The following FDXR variants were observed in gnomAD, a reference collection of about 807,000 sequenced individuals.
FDXR encodes the protein ferredoxin reductase.
In FDXR, 38 loss-of-function variants were observed where a neutral mutation model predicts 58.3. The ratio of observed to expected loss-of-function variants is 0.65; its 90% CI spans 0.50 to 0.85. FDXR has a LOEUF of 0.85. FDXR is among the 40% of genes least tolerant of loss of function. The pLI, the probability that FDXR is intolerant of heterozygous loss-of-function variation, is 0.00. For synonymous variants in FDXR, 275 were observed against 273.8 expected (o/e 1.00, Z -0.04); for missense variants, 624 against 671.0 (o/e 0.93, Z 0.77).
chr17:74,866,001 T>A, intron 5 of FDXR, 130 bp downstream of exon 5: 1 of 871,144 alleles, frequency 1.1e-6, no homozygotes, highest in Non-Finnish European at 1.8e-6. Flanking sequence ...CCTCCACAGC[T>A]GGCCTCCCGC....
chr17:74,867,260 T>A (rs1012118343), intron 2 of FDXR, among the ~76,000 whole-genome samples: 2 of 130,828 alleles, frequency 1.5e-5, no homozygotes, highest in South Asian at 4.9e-4. Flanking sequence ...TGAGCGAAGA[T>A]CGCGCCATTG....
At chr17:74,864,675 C>A in intron 7 of FDXR, 111 bp from the exon 8 acceptor site, 1 of 1,427,816 alleles carries the variant, frequency 7.0e-7, no homozygotes, top group African/African-American at 1.4e-5. Context: ...CGCCTCCTCC[C>A]CAAAGGCACA....
chr17:74,862,669 GGGA>G lies in FDXR; in HGVS notation c.*145_*147del, dbSNP rs1216119104. The G allele has an allele frequency of 3.5e-6, 4 of 1,132,972 alleles. No individual in the cohort carries two copies. Among genetic ancestry groups the G allele is most frequent in the East Asian group, 2.5e-5 (1 of 39,256 alleles). 70.2% of individuals were successfully genotyped at this position (1,132,972 alleles called of 1,614,324 possible). ...CGCGCAAGGGCGACCTTCCCCAGGA[GGGA>G]GGAGAGACGCTGGAAGAGCAGCCAA... is the stretch of plus-strand genomic sequence containing the variant. On this transcript the variant is annotated 3_prime_UTR_variant, in exon 12 of 12. Transcript: ENST00000293195.
In FDXR at chr17:74,872,128, A is replaced by G. The variant is rs1365480482; in HGVS notation, c.85T>C (p.Cys29Arg). 1 of 1,604,992 alleles carries G rather than the reference A, an allele frequency of 6.2e-7. No homozygotes were observed. The highest frequency in any genetic ancestry group is 1.1e-5 in the South Asian group (1 of 89,896). The change falls in exon 2 of 12, where the codon TGC (cysteine) becomes CGC (arginine). Residue 29 changes from cysteine (C) to arginine (R), a missense_variant. Transcript: ENST00000293195. ...TTCTCCTGTGTGGAGAAATGGTGGC[A>G]GAAGCCTGGGGCCAGGCAGAGGAGA... is the stretch of plus-strand genomic sequence containing the variant. Reference protein sequence around the residue: ...LPPAGSTPSFCHHFSTQEKTP... With the variant: ...LPPAGSTPSFRHHFSTQEKTP...
At position 74,872,950 on chromosome 17, in the gene FDXR, G is replaced by C. The variant is rs1294892040; in HGVS notation, c.-6C>G. ...CGCCAGCAGCGCGAAGCCATGGCTG[G>C]GAGCAGCAACCTGCAAGTGGATCTG... On this transcript the variant is annotated 5_prime_UTR_variant, in exon 1 of 12. Transcript: ENST00000293195. 1 of 1,554,146 alleles carries C rather than the reference G, an allele frequency of 6.4e-7. No individual in the cohort carries two copies. Among genetic ancestry groups the C allele is most frequent in the Non-Finnish European group, 8.7e-7 (1 of 1,149,336 alleles).
chr17:74,867,700 C>T (rs551949531), intron 2 of FDXR, among the ~76,000 whole-genome samples: 1 of 152,296 alleles, frequency 6.6e-6, no homozygotes, highest in East Asian at 1.9e-4. Flanking sequence ...TGACCGCCTT[C>T]CCAGGGCACC....
chr17:74,866,395 G>A, intron 4 of FDXR, 51 bp downstream of exon 4: 2 of 1,603,916 alleles, frequency 1.2e-6, no homozygotes, highest in Non-Finnish European at 1.7e-6. Flanking sequence ...CGAGCCACCG[G>A]CCTCCTTCTG....
intron 2 of FDXR, 23 bp from the exon 3 acceptor site, chr17:74,866,899 C>T (rs1193782633): frequency 5.6e-6 from 9 of 1,609,972 alleles, no homozygotes; most frequent in Non-Finnish European, 7.6e-6. Flanking sequence ...AGGGTGGCAG[C>T]TGGTGGGGCC....
At chr17:74,872,685 G>A (rs976442349) in intron 1 of FDXR, 181 bp downstream of exon 1, 27 of 1,343,152 alleles carry the variant, frequency 2.0e-5, no homozygotes, top group Non-Finnish European at 2.5e-5. Context: ...AACCCTAGAA[G>A]CCTCACATCT....
intron 2 of FDXR, among the ~76,000 whole-genome samples, chr17:74,867,961 G>A (rs2467576): frequency 0.83 from 125,953 of 152,012 alleles, 52,800 homozygotes; most frequent in African/African-American, 0.94. Flanking sequence ...CAGCTGACAC[G>A]CCCAGCCCCC....
intron 2 of FDXR, among the ~76,000 whole-genome samples, chr17:74,871,586 A>G (rs907184216): frequency 6.6e-6 from 1 of 152,210 alleles, no homozygotes; most frequent in Non-Finnish European, 1.5e-5. Context: ...CTGAAAGAAC[A>G]GAATGGCACG....
In FDXR at chr17:74,863,956, G is replaced by A; in HGVS notation, c.1114C>T (p.Pro372Ser). The A allele has an allele frequency of 1.2e-6, 2 of 1,614,062 alleles. No individual in the cohort carries two copies. Among genetic ancestry groups the A allele is most frequent in the Middle Eastern group, 1.6e-4 (1 of 6,062 alleles). ...YKSRPVDPSVPFDSKLGVIPN... is the reference protein window; with the variant it reads ...YKSRPVDPSVSFDSKLGVIPN... ...ATGACCCCAAGCTTGGAGTCAAAGG[G>A]CACGCTTGGGTCGACAGGGCGGCTC... The change falls in exon 10 of 12, where the codon CCC becomes TCC. Residue 372 changes from proline to serine, a missense_variant. By Grantham distance (74) the Pro-to-Ser change is moderately conservative. Coordinates refer to ENST00000293195, the MANE Select transcript of FDXR (RefSeq NM_024417.5).
At position 74,872,939 on chromosome 17, in the gene FDXR, A is replaced by G. The variant is rs1472487009; in HGVS notation, c.6T>C (p.Ala2=). Residue 2 remains alanine, a synonymous_variant, in exon 1 of 12, where the codon GCT becomes GCC. Coordinates refer to ENST00000293195, the MANE Select transcript of FDXR (RefSeq NM_024417.5). M[A]SRCWRWWGWS... The stretch of plus-strand genomic sequence containing the variant: ...AGCCCCACCAGCGCCAGCAGCGCGA[A>G]GCCATGGCTGGGAGCAGCAACCTGC... The G allele has an allele frequency of 2.6e-6, 4 of 1,555,796 alleles. No individual in the cohort carries two copies. The highest frequency in any genetic ancestry group is 3.5e-6 in the Non-Finnish European group (4 of 1,150,188).
Position 74,863,119 on chromosome 17 carries a change from G to A in FDXR, c.1302C>T (p.Pro434=), listed in dbSNP as rs774192661. 24 of 1,613,424 alleles carry A rather than the reference G, an allele frequency of 1.5e-5. No individual in the cohort carries two copies. The highest frequency in any genetic ancestry group is 1.9e-5 in the Non-Finnish European group (22 of 1,179,964). ...CCTGGATGGCTGCGTAGCCAGGCCT[G>A]GGGCCAGAGGGGAGCAACCCAGCCT... ...DLKAGLLPSG[P]RPGYAAIQAL... The change falls in exon 11 of 12, where the codon CCC becomes CCT. Residue 434 remains proline, a synonymous_variant. Coordinates refer to ENST00000293195, the MANE Select transcript of FDXR (RefSeq NM_024417.5).
intron 2 of FDXR, among the ~76,000 whole-genome samples, chr17:74,869,671 T>C (rs2038306707): frequency 6.6e-6 from 1 of 152,160 alleles, no homozygotes; most frequent in Non-Finnish European, 1.5e-5. Flanking sequence ...CCCCAGTCTC[T>C]GTGCTTATAG....
chr17:74,871,915 G>T lies in FDXR; in HGVS notation c.177+121C>A, dbSNP rs2038386169. 5.9e-6 allele frequency: 4 copies of T among 679,432 alleles called. No individual in the cohort carries two copies. In the East Asian group the frequency reaches 1.2e-4, roughly 20 times the overall value. The allele number at this position is 679,432 out of a possible 1,614,324, so 42.1% of individuals were successfully genotyped here. On this transcript the variant is annotated intron_variant, in intron 2 of 11. Coordinates refer to ENST00000293195, the MANE Select transcript of FDXR (RefSeq NM_024417.5). ...AAGCAAGTGGGAAGTGTCCAGGCCA[G>T]ATGGCTGGGAGCCCCTTCCCCATAA... is the stretch of plus-strand genomic sequence containing the variant.
Position 74,872,023 on chromosome 17 carries a change from G to T in FDXR, c.177+13C>A. Reference sequence around the variant, plus strand: ...GCAGCAGGTGAATGATGGACTATGAGTAAGTGGCTTACCTTTAGCAGGTGT... The same window carrying T: ...GCAGCAGGTGAATGATGGACTATGATTAAGTGGCTTACCTTTAGCAGGTGT... On this transcript the variant is annotated intron_variant, in intron 2 of 11. Coordinates refer to ENST00000293195, the MANE Select transcript of FDXR (RefSeq NM_024417.5). 6.4e-7 allele frequency: 1 copy of T among 1,563,198 alleles called. No individual in the cohort carries two copies.
Position 74,862,715 on chromosome 17 carries a change from G to T in FDXR, c.*102C>A. 6.9e-7 allele frequency: 1 copy of T among 1,445,076 alleles called. No individual in the cohort carries two copies. The highest frequency in any genetic ancestry group is 1.4e-5 in the South Asian group (1 of 72,066). 89.5% of individuals were successfully genotyped at this position (1,445,076 alleles called of 1,614,324 possible). A position where few individuals can be genotyped will look rare whatever the true frequency, so the allele number is the denominator to read the frequency against. ...GCAGCCAAGCCTCCAAGCCAGGGCC[G>T]GCCGGGATCAGCAGAGGTGCAAAGT... On this transcript the variant is annotated 3_prime_UTR_variant, in exon 12 of 12. Transcript: ENST00000293195.
Position 74,866,458 on chromosome 17 carries a change from G to A in FDXR, c.381C>T (p.His127=), listed in dbSNP as rs374317439. The change falls in exon 4 of 12, where the codon CAC becomes CAT. Residue 127 remains histidine, a synonymous_variant. Transcript: ENST00000293195. ...TAGCTGCACTCACCAGCACCACAGC[G>A]TGGTAGGCCTCCTGCAGCTCCGGCA... ...VTVPELQEAY[H]AVVLSYGAED... 53 of 1,613,196 alleles carry A rather than the reference G, an allele frequency of 3.3e-5. No individual in the cohort carries two copies. The highest frequency in any genetic ancestry group is 1.1e-4 in the South Asian group (10 of 90,998).
Sources: allele counts gnomAD v4.1 joint callset (sites outside exome capture counted in the v4.1 genomes callset), GRCh38; gene constraint gnomAD v4.1.1; transcripts MANE v1.5; gene names NCBI Gene and HGNC (gene_info 2026-07-23, HGNC 2026-07-21).